The following SLC44A5 variants were observed in gnomAD, a reference collection of about 807,000 sequenced individuals.
SLC44A5 encodes the protein solute carrier family 44 member 5.
A neutral mutation model predicts 101.8 loss-of-function variants in SLC44A5; 57 were observed. The observed-to-expected ratio is 0.56, with a 90% CI of 0.45 to 0.70. The LOEUF (loss-of-function observed/expected upper bound fraction) is 0.70, where lower values mean the gene tolerates loss of function less well. SLC44A5 is among the 30% of genes least tolerant of loss of function. The pLI is 0.00. For synonymous variants in SLC44A5, 281 were observed against 290.9 expected (o/e 0.97, Z 0.35); for missense variants, 737 against 853.1 (o/e 0.86, Z 1.70).
chr1:75,605,940 C>T (rs1377953305), intron 1 of SLC44A5, among the ~76,000 whole-genome samples: 1 of 151,954 alleles, frequency 6.6e-6, no homozygotes, highest in Non-Finnish European at 1.5e-5. Context: ...ACTAGGTAAT[C>T]TTTTGTTGTG....
chr1:75,470,518 A>G (rs1456265670), intron 2 of SLC44A5, among the ~76,000 whole-genome samples: 1 of 152,164 alleles, frequency 6.6e-6, no homozygotes, highest in Non-Finnish European at 1.5e-5. Context: ...AAATTATTAT[A>G]TAGTGTGAAG....
chr1:75,629,998 T>G, the SLC44A5 span, among the ~76,000 whole-genome samples: 1 of 152,180 alleles, frequency 6.6e-6, no homozygotes, highest in African/African-American at 2.4e-5. Flanking sequence ...ATTTCTTCTA[T>G]CCCCAGCCTA....
chr1:75,547,575 T>C (rs933662524), intron 1 of SLC44A5, among the ~76,000 whole-genome samples: 3 of 152,158 alleles, frequency 2.0e-5, no homozygotes, highest in African/African-American at 4.8e-5. Flanking sequence ...GCAACAGTTT[T>C]TGGGGATGCT....
At chr1:75,716,880 A>C in the SLC44A5 span, among the ~76,000 whole-genome samples, 1 of 151,938 alleles carries the variant, frequency 6.6e-6, no homozygotes, top group African/African-American at 2.4e-5. Flanking sequence ...AAAATACAAA[A>C]AAAATTAGCT....
Position 75,356,081 on chromosome 1 carries a change from C to T in SLC44A5, c.53-16451G>A, listed in dbSNP as rs540599624. ...TACAGAAATTAGCTGGACATGGTGGCGGGCACCTGTAACCCCAGCTACTCA... is the reference window on the plus strand; with the variant it reads ...TACAGAAATTAGCTGGACATGGTGGTGGGCACCTGTAACCCCAGCTACTCA... On this transcript the variant is annotated intron_variant, in intron 3 of 23. Transcript: ENST00000370859. 2.7e-3 allele frequency among the ~76,000 whole-genome samples: 405 copies of T among 151,742 alleles called. 1 individual carries two copies. The highest frequency in any genetic ancestry group is 9.2e-3 in the African/African-American group (380 of 41,372).
At chr1:75,384,117 G>C (rs1305966350) in intron 3 of SLC44A5, among the ~76,000 whole-genome samples, 2 of 151,946 alleles carry the variant, frequency 1.3e-5, no homozygotes, top group South Asian at 4.1e-4. Flanking sequence ...AAAATGTAAA[G>C]ACCATCTAGA....
chr1:75,277,372 C>A (rs545983758), intron 5 of SLC44A5, among the ~76,000 whole-genome samples: 4 of 152,248 alleles, frequency 2.6e-5, no homozygotes, highest in Admixed American at 1.3e-4. Context: ...TTACTTTCAC[C>A]TGAATGGTAT....
intron 5 of SLC44A5, among the ~76,000 whole-genome samples, chr1:75,283,521 TG>T (rs1226732806): frequency 1.3e-5 from 2 of 152,202 alleles, no homozygotes; most frequent in African/African-American, 4.8e-5. Flanking sequence ...AATTTATCTT[TG>T]TTTTTTTGTC....
At chr1:75,558,973 G>A (rs1672368105) in intron 1 of SLC44A5, among the ~76,000 whole-genome samples, 1 of 151,998 alleles carries the variant, frequency 6.6e-6, no homozygotes, top group Admixed American at 6.6e-5. Flanking sequence ...CCACATTTCA[G>A]GCACTGTGGT....
chr1:75,504,535 A>C (rs897765218), intron 2 of SLC44A5, among the ~76,000 whole-genome samples: 1 of 152,134 alleles, frequency 6.6e-6, no homozygotes, highest in African/African-American at 2.4e-5. Context: ...TGCTAACCCC[A>C]TATTTATGAA....
chr1:75,337,011 A>T (rs960885252), intron 4 of SLC44A5, among the ~76,000 whole-genome samples: 8 of 152,170 alleles, frequency 5.3e-5, no homozygotes. Flanking sequence ...TCTTAGCAAG[A>T]ACTTTAAATA....
chr1:75,267,563 T>C (rs1255298300), intron 6 of SLC44A5, among the ~76,000 whole-genome samples: 4 of 152,106 alleles, frequency 2.6e-5, no homozygotes, highest in Admixed American at 2.6e-4. Flanking sequence ...TTTATTTTTT[T>C]AAATTCAAAC....
At chr1:75,353,769 T>C (rs1658862323) in intron 3 of SLC44A5, among the ~76,000 whole-genome samples, 1 of 152,194 alleles carries the variant, frequency 6.6e-6, no homozygotes, top group Admixed American at 6.5e-5. Flanking sequence ...AGAGAGATAA[T>C]GATGACAAAG....
chr1:75,424,113 T>C (rs934386163), intron 2 of SLC44A5, among the ~76,000 whole-genome samples: 3 of 152,190 alleles, frequency 2.0e-5, no homozygotes, highest in East Asian at 3.9e-4. Flanking sequence ...GGATAATTAA[T>C]TTGTGCTCAG....
chr1:75,718,872 T>C, the SLC44A5 span, among the ~76,000 whole-genome samples: 1 of 152,232 alleles, frequency 6.6e-6, no homozygotes, highest in South Asian at 2.1e-4. Flanking sequence ...AGTGTATTTT[T>C]GTAAGCAAAA....
intron 5 of SLC44A5, among the ~76,000 whole-genome samples, chr1:75,300,283 T>A (rs1235535414): frequency 6.6e-6 from 1 of 152,128 alleles, no homozygotes; most frequent in Non-Finnish European, 1.5e-5. Flanking sequence ...CCCTAGTTCT[T>A]ATTAGCAAAG....
chr1:75,690,195 G>A, the SLC44A5 span, among the ~76,000 whole-genome samples: 1 of 151,898 alleles, frequency 6.6e-6, no homozygotes, highest in Non-Finnish European at 1.5e-5. Context: ...TGACTGGTGA[G>A]GCCTCAGGAA....
intron 2 of SLC44A5, among the ~76,000 whole-genome samples, chr1:75,534,056 T>A (rs1024406947): frequency 6.6e-6 from 1 of 152,166 alleles, no homozygotes; most frequent in African/African-American, 2.4e-5. Flanking sequence ...GCCAACTGGA[T>A]CTGCAAAAGG....
intron 6 of SLC44A5, among the ~76,000 whole-genome samples, chr1:75,264,598 G>A (rs186272872): frequency 3.9e-5 from 6 of 152,080 alleles, no homozygotes; most frequent in Admixed American, 1.3e-4. Context: ...TCAAACAAAG[G>A]AAAACCAAAA....
Sources: allele counts gnomAD v4.1 joint callset (sites outside exome capture counted in the v4.1 genomes callset), GRCh38; gene constraint gnomAD v4.1.1; transcripts MANE v1.5; gene names NCBI Gene and HGNC (gene_info 2026-07-23, HGNC 2026-07-21).